The following SCMH1 variants were observed in gnomAD, a reference collection of about 807,000 sequenced individuals.
SCMH1 encodes Scm polycomb group protein homolog 1.
A neutral mutation model predicts 70.8 loss-of-function variants in SCMH1; 37 were observed. That is an observed-to-expected ratio of 0.52 (90% CI 0.40 to 0.69). SCMH1 has a LOEUF of 0.69. Among genes scored for constraint, SCMH1 ranks in the 30% least tolerant of loss-of-function variants. The pLI is 0.00. For missense variants in SCMH1, 607 were observed against 827.3 expected (o/e 0.73, Z 3.27); for synonymous variants, 292 against 307.4 (o/e 0.95, Z 0.52).
rs1483435114 is a variant in SCMH1, at chr1:41,208,271, T to C, written c.-117-22021A>G. On this transcript the variant is annotated intron_variant, in intron 1 of 14. Coordinates refer to ENST00000337495, the Ensembl canonical transcript of SCMH1. ...AAGGGGAATATCACACTCTGGGGACTGTGGTGGGGTCGGGGGAGGGGGGAG... is the reference window on the plus strand; with the variant it reads ...AAGGGGAATATCACACTCTGGGGACCGTGGTGGGGTCGGGGGAGGGGGGAG... Among the ~76,000 whole-genome samples, 987 of 100,670 alleles carry C rather than the reference T, an allele frequency of 9.8e-3. 20 individuals are homozygous for C. The highest frequency in any genetic ancestry group is 0.037 in the African/African-American group (931 of 25,404). 66.0% of individuals were successfully genotyped at this position (100,670 alleles called of 152,430 possible).
intron 1 of SCMH1, among the ~76,000 whole-genome samples, chr1:41,216,202 C>G (rs1018850563): frequency 2.0e-5 from 3 of 152,190 alleles, no homozygotes; most frequent in Admixed American, 2.0e-4. Context: ...ATGGATAAGC[C>G]TTCTTCAGTG....
At chr1:41,083,615 G>C (rs1486166301) in intron 8 of SCMH1, among the ~76,000 whole-genome samples, 1 of 152,078 alleles carries the variant, frequency 6.6e-6, no homozygotes, top group Non-Finnish European at 1.5e-5. Flanking sequence ...CACAGAATTG[G>C]AAAAAACTAC....
intron 1 of SCMH1, among the ~76,000 whole-genome samples, chr1:41,223,347 C>T (rs72947927): frequency 0.011 from 1,601 of 152,214 alleles, 29 homozygotes; most frequent in African/African-American, 0.034. Flanking sequence ...TGGGTATTGA[C>T]GAGTTTTGTC....
At chr1:41,086,951 C>T (rs1661883434) in intron 8 of SCMH1, among the ~76,000 whole-genome samples, 1 of 144,686 alleles carries the variant, frequency 6.9e-6, no homozygotes, top group Non-Finnish European at 1.5e-5. Context: ...AAGAAAACAA[C>T]AGAATGTGAG....
chr1:41,176,189 C>A (rs6690142), intron 2 of SCMH1, among the ~76,000 whole-genome samples: 1,328 of 107,736 alleles, frequency 0.012, no homozygotes, highest in African/African-American at 0.02. Context: ...CCAAAAAAAA[C>A]AAAAAAAAAA....
rs1367739131 is a variant in SCMH1, at chr1:41,059,056, T to TA, written c.1106-10167dup. Among the ~76,000 whole-genome samples, 4 of 152,232 alleles carry TA rather than the reference T, an allele frequency of 2.6e-5. No individual in the cohort carries two copies. In the East Asian group the frequency reaches 7.7e-4, roughly 29 times the overall value. On this transcript the variant is annotated intron_variant, in intron 10 of 14. Transcript: ENST00000337495. ...TCCTTCATGGATGCCTGAGGCTTTT[T>TA]ACCTTTCCTTTGGGGATCTGGCTAA... is the stretch of plus-strand genomic sequence containing the variant.
At chr1:41,038,205 A>G (rs1384439350) in intron 12 of SCMH1, 1 of 152,238 alleles carries the variant, frequency 6.6e-6, no homozygotes, top group African/African-American at 2.4e-5. Flanking sequence ...GAGTTTGTGA[A>G]TATCACAAAA....
At chr1:41,152,709 A>C in intron 4 of SCMH1, 1 of 1,613,832 alleles carries the variant, frequency 6.2e-7, no homozygotes, top group Non-Finnish European at 8.5e-7. Flanking sequence ...AGCAGCACAG[A>C]GCCCCTTTGG....
rs879911349 is a variant in SCMH1 at position 41,158,288 on chromosome 1, A to G, written c.106+2587T>C. On this transcript the variant is annotated intron_variant, in intron 4 of 14. Coordinates refer to ENST00000337495, the Ensembl canonical transcript of SCMH1. ...ATCATCCTTAACCTCACAGAGCTTCAGTCTAGTGACAGACAGAGAATCTAG... is the reference window on the plus strand; with the variant it reads ...ATCATCCTTAACCTCACAGAGCTTCGGTCTAGTGACAGACAGAGAATCTAG... Among the ~76,000 whole-genome samples the G allele has an allele frequency of 5.9e-5, 9 of 152,330 alleles. No homozygotes were observed. The East Asian group carries it at 1.7e-3, about 29-fold the overall frequency.
At chr1:41,231,549 A>G (rs923467318) in intron 1 of SCMH1, among the ~76,000 whole-genome samples, 2 of 152,210 alleles carry the variant, frequency 1.3e-5, no homozygotes, top group East Asian at 1.9e-4. Flanking sequence ...CTTATTAACT[A>G]AAGTCCACAC....
At chr1:41,134,837 T>C (rs1421224837) in intron 6 of SCMH1, among the ~76,000 whole-genome samples, 1 of 152,226 alleles carries the variant, frequency 6.6e-6, no homozygotes, top group African/African-American at 2.4e-5. Context: ...ATGTTGGCTT[T>C]AGTACTGAGG....
At chr1:41,239,758 G>A (rs1335443929) in intron 1 of SCMH1, among the ~76,000 whole-genome samples, 4 of 152,150 alleles carry the variant, frequency 2.6e-5, no homozygotes, top group Admixed American at 2.6e-4. Flanking sequence ...AGCCTCCTGA[G>A]TAGCTGAGAC....
intron 5 of SCMH1, among the ~76,000 whole-genome samples, chr1:41,144,436 C>T (rs762248772): frequency 2.0e-5 from 3 of 152,180 alleles, no homozygotes; most frequent in Admixed American, 6.5e-5. Flanking sequence ...TGTATCAGTA[C>T]TTCATTCCTT....
chr1:41,106,076 A>C (rs909564579), intron 8 of SCMH1, among the ~76,000 whole-genome samples: 1 of 151,494 alleles, frequency 6.6e-6, no homozygotes, highest in African/African-American at 2.4e-5. Context: ...GGTTTCACCA[A>C]CTTGGCCAGG....
chr1:41,190,177 GCA>G (rs903672156), intron 1 of SCMH1, among the ~76,000 whole-genome samples: 24 of 152,280 alleles, frequency 1.6e-4, no homozygotes, highest in Non-Finnish European at 3.5e-4. Context: ...AGATACAAAT[GCA>G]CAATCTCATT....
chr1:41,099,742 C>T (rs1666064702), intron 8 of SCMH1, among the ~76,000 whole-genome samples: 1 of 152,190 alleles, frequency 6.6e-6, no homozygotes, highest in South Asian at 2.1e-4. Context: ...TTCCCCTCAA[C>T]CTTTCTGAGC....
intron 4 of SCMH1, chr1:41,152,617 T>C: frequency 6.2e-7 from 1 of 1,614,188 alleles, no homozygotes; most frequent in Non-Finnish European, 8.5e-7. Flanking sequence ...GACCCCATGA[T>C]GGAGCAGGGA....
At chr1:41,035,869 A>G (rs922242976) in intron 13 of SCMH1, among the ~76,000 whole-genome samples, 14 of 152,262 alleles carry the variant, frequency 9.2e-5, no homozygotes, top group Admixed American at 7.8e-4. Context: ...TGCTTTCGCT[A>G]AGATCCACCA....
chr1:41,102,731 A>T (rs1666923372), intron 8 of SCMH1, among the ~76,000 whole-genome samples: 1 of 152,220 alleles, frequency 6.6e-6, no homozygotes, highest in Non-Finnish European at 1.5e-5. Context: ...AGGTAAGATG[A>T]TTCAGGAGCA....
Sources: allele counts gnomAD v4.1 joint callset (sites outside exome capture counted in the v4.1 genomes callset), GRCh38; gene constraint gnomAD v4.1.1; transcripts MANE v1.5; gene names NCBI Gene and HGNC (gene_info 2026-07-23, HGNC 2026-07-21).